GPR176: variants seen among roughly 807,000 people sequenced by gnomAD.
The protein encoded by GPR176 is G protein-coupled receptor 176, also known as G-protein coupled receptor 176.
GPR176 carries 26 observed loss-of-function variants against 35.4 expected under a neutral mutation model. The ratio of observed to expected loss-of-function variants is 0.74; its 90% CI spans 0.54 to 1.02. The LOEUF (loss-of-function observed/expected upper bound fraction) is 1.02. Ranked by LOEUF, GPR176 falls within the 50% of genes least tolerant of loss-of-function variation. The pLI, the probability that GPR176 is intolerant of heterozygous loss-of-function variation, is 0.00. For synonymous variants in GPR176, 278 were observed against 271.3 expected, an observed-to-expected ratio of 1.02 and a Z score of -0.24; for missense variants, 597 against 665.3, an observed-to-expected ratio of 0.90 and a Z score of 1.13.
intron 1 of GPR176, among the ~76,000 whole-genome samples, chr15:39,824,842 T>A (rs1329456533): frequency 6.6e-6 from 1 of 152,218 alleles, no homozygotes; most frequent in African/African-American, 2.4e-5. Flanking sequence ...TCTACCCCTC[T>A]GCTTTTTCAC....
intron 1 of GPR176, among the ~76,000 whole-genome samples, chr15:39,908,485 A>G (rs925024958): frequency 1.3e-5 from 2 of 152,196 alleles, no homozygotes; most frequent in Admixed American, 1.3e-4. Flanking sequence ...ACTATATGTT[A>G]TCAGTCAGGA....
intron 1 of GPR176, chr15:39,829,123 C>T (rs1157204206): frequency 4.9e-6 from 7 of 1,429,062 alleles, no homozygotes; most frequent in African/African-American, 2.8e-5. Flanking sequence ...GGCATTCAGA[C>T]AGAAGCAGTT....
chr15:39,891,336 G>A (rs2032863976), intron 1 of GPR176, among the ~76,000 whole-genome samples: 1 of 152,144 alleles, frequency 6.6e-6, no homozygotes, highest in South Asian at 2.1e-4. Flanking sequence ...CTCTTGACAG[G>A]AGCAACTGCT....
chr15:39,832,759 T>C (rs1901175841), intron 1 of GPR176, among the ~76,000 whole-genome samples: 1 of 152,070 alleles, frequency 6.6e-6, no homozygotes. Context: ...CTTGGCTACG[T>C]GCAGCTCAGG....
intron 1 of GPR176, among the ~76,000 whole-genome samples, chr15:39,864,100 A>G (rs1409990244): frequency 6.6e-6 from 1 of 152,180 alleles, no homozygotes; most frequent in East Asian, 1.9e-4. Context: ...AGCGTGGTAA[A>G]TATGTGACTC....
intron 1 of GPR176, among the ~76,000 whole-genome samples, chr15:39,823,566 C>T (rs79152151): frequency 0.025 from 3,764 of 152,290 alleles, 70 homozygotes; most frequent in South Asian, 0.038. Context: ...ACCTCCACTG[C>T]TGCAGCTCCT....
At chr15:39,808,442 G>A (rs1360750978) in intron 1 of GPR176, among the ~76,000 whole-genome samples, 4 of 152,084 alleles carry the variant, frequency 2.6e-5, no homozygotes, top group African/African-American at 9.7e-5. Context: ...TTGGGATGTT[G>A]TTCATATGTC....
chr15:39,810,037 C>G (rs1036269527), intron 1 of GPR176, among the ~76,000 whole-genome samples: 1 of 150,902 alleles, frequency 6.6e-6, no homozygotes, highest in Non-Finnish European at 1.5e-5. Flanking sequence ...ACCAGCTGCT[C>G]GGGAGGCTGA....
intron 1 of GPR176, among the ~76,000 whole-genome samples, chr15:39,916,361 G>C (rs952304500): frequency 2.0e-5 from 3 of 152,126 alleles, no homozygotes; most frequent in Non-Finnish European, 2.9e-5. Flanking sequence ...AGAAGGCTGA[G>C]AAACACTGGT....
intron 1 of GPR176, among the ~76,000 whole-genome samples, chr15:39,853,148 A>G (rs1471141672): frequency 6.6e-6 from 1 of 152,234 alleles, no homozygotes; most frequent in East Asian, 1.9e-4. Flanking sequence ...CATAATAGCC[A>G]AGAGGTGGAA....
At chr15:39,803,271 C>CTTTTTTTTTTTTTTT (rs769645892) in intron 2 of GPR176, among the ~76,000 whole-genome samples, 1 of 85,542 alleles carries the variant, frequency 1.2e-5, no homozygotes, top group Admixed American at 1.5e-4. Flanking sequence ...ACAAGTACTT[C>CTTTTTTTTTTTTTTT]TTTTTTTTTT....
intron 1 of GPR176, among the ~76,000 whole-genome samples, chr15:39,842,406 A>G (rs1223622951): frequency 1.3e-5 from 2 of 152,034 alleles, no homozygotes; most frequent in Admixed American, 1.3e-4. Context: ...CCATGATCCA[A>G]TCACCTCCCA....
intron 1 of GPR176, among the ~76,000 whole-genome samples, chr15:39,893,071 T>C (rs917686255): frequency 1.3e-5 from 2 of 152,178 alleles, no homozygotes; most frequent in African/African-American, 4.8e-5. Flanking sequence ...ATTTGGCATA[T>C]CGAGAATATT....
At chr15:39,911,362 T>C (rs1020258135) in intron 1 of GPR176, among the ~76,000 whole-genome samples, 1 of 152,220 alleles carries the variant, frequency 6.6e-6, no homozygotes, top group Non-Finnish European at 1.5e-5. Context: ...ACCTAAACAC[T>C]TGTGGCTTAA....
intron 1 of GPR176, 116 bp from the exon 2 acceptor site, chr15:39,807,374 A>AT: frequency 1.3e-6 from 1 of 751,838 alleles, no homozygotes; most frequent in East Asian, 2.9e-5. Context: ...ATTTCAAAAG[A>AT]TTTAATGTAA....
chr15:39,871,102 A>G (rs1048452807), intron 1 of GPR176, among the ~76,000 whole-genome samples: 1 of 152,222 alleles, frequency 6.6e-6, no homozygotes, highest in Non-Finnish European at 1.5e-5. Flanking sequence ...GCCAAGCATA[A>G]TAGAAAACTA....
intron 1 of GPR176, among the ~76,000 whole-genome samples, chr15:39,890,449 T>C (rs2032829141): frequency 6.6e-6 from 1 of 151,896 alleles, no homozygotes. Context: ...AAAACAGAGG[T>C]GAATGGAAGG....
In GPR176 at chr15:39,869,053, T is replaced by C. The variant is rs540476462; in HGVS notation, c.172+50802A>G. ...AATAAGTGCTTAGTCCTACAGAACA[T>C]TTTCTGAGACATCTGAGTTTCCAAA... On this transcript the variant is annotated intron_variant, in intron 1 of 2. Coordinates refer to ENST00000561100, the MANE Select transcript of GPR176 (RefSeq NM_007223.3). Among the ~76,000 whole-genome samples the C allele has an allele frequency of 5.9e-5, 9 of 151,420 alleles. No individual in the cohort carries two copies. The South Asian group carries it at 1.9e-3, about 32-fold the overall frequency.
intron 1 of GPR176, among the ~76,000 whole-genome samples, chr15:39,835,208 T>G (rs11854663): frequency 6.6e-6 from 1 of 151,504 alleles, no homozygotes; most frequent in African/African-American, 2.4e-5. Flanking sequence ...TTAGTAGAGA[T>G]GGGGTTTCTC....
Sources: gnomAD v4.1 joint callset for allele counts (sites outside exome capture counted in the v4.1 genomes callset) on GRCh38, gnomAD v4.1.1 for gene constraint, MANE v1.5 for transcripts, NCBI Gene and HGNC (gene_info 2026-07-23, HGNC 2026-07-21) for gene names.